Variants in OR2A25 observed in about 807,000 individuals in gnomAD.
OR2A25 encodes the protein olfactory receptor family 2 subfamily A member 25, also known as olfactory receptor 2A25.
For missense variants in OR2A25, 362 were observed against 368.3 expected, an observed-to-expected ratio of 0.98 and a Z score of 0.14; for synonymous variants, 162 against 148.1, an observed-to-expected ratio of 1.09 and a Z score of -0.68.
intron 1 of OR2A25, among the ~76,000 whole-genome samples, chr7:144,071,818 A>G (rs1196905832): frequency 1.3e-5 from 2 of 151,496 alleles, no homozygotes; most frequent in Non-Finnish European, 1.5e-5. Flanking sequence ...AGATATTGCA[A>G]GGAAGTTGAG....
At position 144,074,347 on chromosome 7, in the gene OR2A25, C is replaced by T. The variant is rs746392305; in HGVS notation, c.128C>T (p.Thr43Ile). ...ATCTTCATTCTGTTGGGGAACGGGA[C>T]AATCCTGGGGCTCATCTCACTGGAC... ...FYIFILLGNG[T>I]ILGLISLDSR... is the part of the protein sequence containing the mutation. Residue 43 changes from threonine to isoleucine, a missense_variant, in exon 2 of 2, where the codon ACA becomes ATA. Transcript: ENST00000641663. 4 of 1,614,044 alleles carry T rather than the reference C, an allele frequency of 2.5e-6. No individual in the cohort carries two copies. Among genetic ancestry groups the T allele is most frequent in the Non-Finnish European group, 3.4e-6 (4 of 1,179,940 alleles).
At chr7:144,070,924 G>A (rs1050869661) in intron 1 of OR2A25, among the ~76,000 whole-genome samples, 1 of 151,924 alleles carries the variant, frequency 6.6e-6, no homozygotes, top group Non-Finnish European at 1.5e-5. Context: ...CATAGGGAAT[G>A]AGGCACCCAG....
intron 1 of OR2A25, among the ~76,000 whole-genome samples, chr7:144,070,144 T>G (rs2051054681): frequency 6.6e-6 from 1 of 152,070 alleles, no homozygotes; most frequent in East Asian, 1.9e-4. Flanking sequence ...GCGTGATGGG[T>G]CTTTATCTCT....
intron 1 of OR2A25, among the ~76,000 whole-genome samples, chr7:144,073,006 A>G (rs2051078521): frequency 6.6e-6 from 1 of 152,196 alleles, no homozygotes; most frequent in African/African-American, 2.4e-5. Context: ...CAAATATTGT[A>G]TGTTTTCACT....
chr7:144,074,884 G>C lies in OR2A25; in HGVS notation c.665G>C (p.Cys222Ser). Reference protein sequence around the residue: ...STVISYVHILCAILKIQSGEG... With the variant: ...STVISYVHILSAILKIQSGEG... ...GTAATATCTTATGTTCATATTCTAT[G>C]TGCCATTCTAAAGATCCAGTCAGGA... Residue 222 changes from cysteine to serine, a missense_variant, in exon 2 of 2, where the codon TGT becomes TCT. Coordinates refer to ENST00000641663, the MANE Select transcript of OR2A25 (RefSeq NM_001386096.1). 6.2e-7 allele frequency: 1 copy of C among 1,614,022 alleles called. No homozygotes were observed. Among genetic ancestry groups the C allele is most frequent in the Non-Finnish European group, 8.5e-7 (1 of 1,180,036 alleles).
intron 1 of OR2A25, among the ~76,000 whole-genome samples, chr7:144,070,115 C>T (rs1459191181): frequency 6.6e-6 from 1 of 152,044 alleles, no homozygotes; most frequent in Non-Finnish European, 1.5e-5. Context: ...TTCCCTAGGA[C>T]AGGAGCAGAT....
At chr7:144,070,729 A>C (rs1418967396) in intron 1 of OR2A25, among the ~76,000 whole-genome samples, 1 of 152,044 alleles carries the variant, frequency 6.6e-6, no homozygotes, top group Non-Finnish European at 1.5e-5. Context: ...GTTACATAAG[A>C]AGAAGAGTGA....
chr7:144,073,480 T>G (rs1426606677), intron 1 of OR2A25, among the ~76,000 whole-genome samples: 2 of 151,784 alleles, frequency 1.3e-5, no homozygotes, highest in African/African-American at 4.8e-5. Flanking sequence ...ATACTATATA[T>G]ACAGTAGATT....
chr7:144,074,131 T>A, intron 1 of OR2A25, 85 bp from the exon 2 acceptor site: 1 of 1,247,940 alleles, frequency 8.0e-7, no homozygotes, highest in Non-Finnish European at 1.1e-6. Context: ...TAGAAAACAC[T>A]CAAACAATAA....
rs1051984694 is a variant in OR2A25, at chr7:144,075,374, G to T, written c.*222G>T. 2.4e-6 allele frequency: 1 copy of T among 412,238 alleles called. No homozygotes were observed. The highest frequency in any genetic ancestry group is 4.3e-6 in the Non-Finnish European group (1 of 231,618). 25.5% of individuals were successfully genotyped at this position (412,238 alleles called of 1,614,324 possible). On this transcript the variant is annotated 3_prime_UTR_variant, in exon 2 of 2. Coordinates refer to ENST00000641663, the MANE Select transcript of OR2A25 (RefSeq NM_001386096.1). ...AAAATATGTTTATACTAGCTGTATA[G>T]TGTACACACTTTTAATATAATTATG...
At position 144,074,619 on chromosome 7, in the gene OR2A25, A is replaced by G; in HGVS notation, c.400A>G (p.Ile134Val). Residue 134 changes from isoleucine to valine, a missense_variant, in exon 2 of 2, where the codon ATC (isoleucine) becomes GTC (valine). By Grantham distance (29) the Ile-to-Val change is conservative. Coordinates refer to ENST00000641663, the MANE Select transcript of OR2A25 (RefSeq NM_001386096.1). ...AICHPLRYST[I>V]MTWKVCITLA... ...CTGCCACCCTCTCCGATATTCTACCATCATGACCTGGAAAGTCTGCATCAC... is the reference window on the plus strand; with the variant it reads ...CTGCCACCCTCTCCGATATTCTACCGTCATGACCTGGAAAGTCTGCATCAC... 6.2e-7 allele frequency: 1 copy of G among 1,614,124 alleles called. No homozygotes were observed. The highest frequency in any genetic ancestry group is 8.5e-7 in the Non-Finnish European group (1 of 1,180,024).
chr7:144,072,248 A>T (rs772297040), intron 1 of OR2A25, among the ~76,000 whole-genome samples: 22 of 152,208 alleles, frequency 1.4e-4, no homozygotes, highest in Non-Finnish European at 2.9e-4. Context: ...AGAAGGCTAT[A>T]GAGTCAGGCA....
At chr7:144,071,836 TG>T (rs755851847) in intron 1 of OR2A25, among the ~76,000 whole-genome samples, 4 of 152,096 alleles carry the variant, frequency 2.6e-5, no homozygotes, top group Non-Finnish European at 5.9e-5. Context: ...GAGGTGAAAG[TG>T]AATAACACTT....
At chr7:144,073,919 C>A (rs762042841) in intron 1 of OR2A25, among the ~76,000 whole-genome samples, 4 of 152,092 alleles carry the variant, frequency 2.6e-5, no homozygotes, top group Non-Finnish European at 5.9e-5. Context: ...AGGAAAGAGT[C>A]CATGCTATTA....
Position 144,074,729 on chromosome 7 carries a change from C to T in OR2A25, c.510C>T (p.Pro170=). Reference sequence around the variant, plus strand: ...TGCTACCACTGTCCTTCTGTGGACCCCAGAAACTTAATCACTTTTTCTGTG... The same window carrying T: ...TGCTACCACTGTCCTTCTGTGGACCTCAGAAACTTAATCACTTTTTCTGTG... ...VLLLPLSFCG[P]QKLNHFFCEI... Residue 170 remains proline, a synonymous_variant, in exon 2 of 2, where the codon CCC becomes CCT. Coordinates refer to ENST00000641663, the MANE Select transcript of OR2A25 (RefSeq NM_001386096.1). 1.2e-6 allele frequency: 2 copies of T among 1,614,124 alleles called. No individual in the cohort carries two copies. The highest frequency in any genetic ancestry group is 2.2e-5 in the East Asian group (1 of 44,878).
Position 144,075,231 on chromosome 7 carries a change from T to A in OR2A25, c.*79T>A. The A allele has an allele frequency of 1.0e-6, 1 of 995,040 alleles. No individual in the cohort carries two copies. Among genetic ancestry groups the A allele is most frequent in the Non-Finnish European group, 1.5e-6 (1 of 662,476 alleles). The allele number at this position is 995,040 out of a possible 1,614,324, so 61.6% of individuals were successfully genotyped here. On this transcript the variant is annotated 3_prime_UTR_variant, in exon 2 of 2. Coordinates refer to ENST00000641663, the MANE Select transcript of OR2A25 (RefSeq NM_001386096.1). The stretch of plus-strand genomic sequence containing the variant: ...TGAACCCATCCCTACTCAGGATACA[T>A]AATCACACTCTAGAGAACCCTTTCC...
chr7:144,075,132 G>C lies in OR2A25; in HGVS notation c.913G>C (p.Glu305Gln), dbSNP rs951690735. ...CCAAGGTACTCTAAAGAGGATGCTT[G>C]AAAAGAAGAGAACTTCATGAAAGCC... ...EVQGTLKRML[E>Q]KKRTS is the part of the protein sequence containing the mutation. Residue 305 changes from glutamate to glutamine, a missense_variant, in exon 2 of 2, where the codon GAA becomes CAA. Physicochemically the swap from Glu to Gln is conservative, Grantham distance 29. Coordinates refer to ENST00000641663, the MANE Select transcript of OR2A25 (RefSeq NM_001386096.1). 3 of 1,607,400 alleles carry C rather than the reference G, an allele frequency of 1.9e-6. No homozygotes were observed. Among genetic ancestry groups the C allele is most frequent in the Non-Finnish European group, 2.5e-6 (3 of 1,177,510 alleles).
At chr7:144,074,079 TAGTA>T (rs1478572513) in intron 1 of OR2A25, 133 bp from the exon 2 acceptor site, 6 of 768,090 alleles carry the variant, frequency 7.8e-6, no homozygotes, top group East Asian at 2.5e-5. Flanking sequence ...AATTTTCTCT[TAGTA>T]AGTGACTAAG....
At position 144,075,056 on chromosome 7, in the gene OR2A25, C is replaced by G. The variant is rs2051102450; in HGVS notation, c.837C>G (p.Leu279=). 1 of 1,613,962 alleles carries G rather than the reference C, an allele frequency of 6.2e-7. No individual in the cohort carries two copies. Among genetic ancestry groups the G allele is most frequent in the African/African-American group, 1.3e-5 (1 of 74,912 alleles). ...QKKYLLLFHS[L]FNPMLNPLIY... ...AATATCTCCTGCTGTTTCACAGCCT[C>G]TTCAATCCCATGCTTAATCCCCTAA... Residue 279 remains leucine, a synonymous_variant, in exon 2 of 2, where the codon CTC becomes CTG. Transcript: ENST00000641663.
Sources: gnomAD v4.1 joint callset for allele counts (sites outside exome capture counted in the v4.1 genomes callset) on GRCh38, gnomAD v4.1.1 for gene constraint, MANE v1.5 for transcripts, NCBI Gene and HGNC (gene_info 2026-07-23, HGNC 2026-07-21) for gene names.